Variants in ABCC6 observed in about 807,000 individuals in gnomAD.
The protein encoded by ABCC6 is ATP-binding cassette sub-family C member 6.
A neutral mutation model predicts 169.5 loss-of-function variants in ABCC6; 126 were observed. That is an observed-to-expected ratio of 0.74 (90% confidence interval 0.64 to 0.86). The LOEUF (loss-of-function observed/expected upper bound fraction) is 0.86. Ranked by LOEUF, ABCC6 falls within the 40% of genes least tolerant of loss-of-function variation. The pLI, the probability that ABCC6 is intolerant of heterozygous loss-of-function variation, is 0.00. For missense variants in ABCC6, 1,733 were observed against 1,927.2 expected, an observed-to-expected ratio of 0.90 and a Z score of 1.89; for synonymous variants, 752 against 814.7, an observed-to-expected ratio of 0.92 and a Z score of 1.31.
intron 23 of ABCC6, among the ~76,000 whole-genome samples, chr16:16,165,010 A>T (rs1316414267): frequency 6.6e-6 from 1 of 152,096 alleles, no homozygotes; most frequent in East Asian, 1.9e-4. Flanking sequence ...AGCTTCATAT[A>T]ATAGCCTTTG....
chr16:16,187,339 A>T, intron 13 of ABCC6, 128 bp from the exon 14 acceptor site: 1 of 781,302 alleles, frequency 1.3e-6, no homozygotes. Context: ...AGGCGTGAGG[A>T]CAAAGCTTTC....
At chr16:16,153,319 A>G (rs958716982) in intron 29 of ABCC6, among the ~76,000 whole-genome samples, 25 of 152,248 alleles carry the variant, frequency 1.6e-4, no homozygotes, top group Non-Finnish European at 3.4e-4. Flanking sequence ...ACGGATAAGC[A>G]AAATGTGGTC....
chr16:16,155,176 A>C (rs1021722178), intron 27 of ABCC6, 145 bp from the exon 28 acceptor site: 7 of 932,836 alleles, frequency 7.5e-6, no homozygotes, highest in African/African-American at 5.0e-5. Flanking sequence ...CCATCTGTCT[A>C]CCTTTCTATA....
intron 7 of ABCC6, 24 bp from the exon 8 acceptor site, chr16:16,203,637 T>G (rs764070547): frequency 6.2e-6 from 10 of 1,613,096 alleles, no homozygotes; most frequent in African/African-American, 1.3e-5. Context: ...AGAGATTAGC[T>G]CTGGGTCCCA....
intron 20 of ABCC6, 32 bp from the exon 21 acceptor site, chr16:16,173,436 G>T: frequency 6.2e-7 from 1 of 1,614,006 alleles, no homozygotes; most frequent in Non-Finnish European, 8.5e-7. Flanking sequence ...GACAAAGTCA[G>T]TATCTCTCCC....
chr16:16,185,618 T>C (rs2047631713), intron 14 of ABCC6, among the ~76,000 whole-genome samples: 1 of 152,054 alleles, frequency 6.6e-6, no homozygotes, highest in Non-Finnish European at 1.5e-5. Flanking sequence ...ACCCTGCCTC[T>C]ACCAAAAAAT....
intron 10 of ABCC6, among the ~76,000 whole-genome samples, chr16:16,195,085 C>T (rs1483738214): frequency 6.6e-6 from 1 of 152,094 alleles, no homozygotes; most frequent in Admixed American, 6.6e-5. Context: ...CACCAGCCCA[C>T]AGCAGGGCTT....
At chr16:16,157,574 A>G in intron 27 of ABCC6, 89 bp downstream of exon 27, 1 of 1,542,200 alleles carries the variant, frequency 6.5e-7, no homozygotes, top group Non-Finnish European at 8.9e-7. Flanking sequence ...GACACTGTGG[A>G]GGTGGCTGGT....
intron 24 of ABCC6, 117 bp from the exon 25 acceptor site, chr16:16,161,681 G>T: frequency 7.4e-7 from 1 of 1,355,616 alleles, no homozygotes; most frequent in Non-Finnish European, 1.0e-6. Flanking sequence ...CCCAGCAATG[G>T]CCTCCACATG....
chr16:16,174,414 C>G (rs538500704), intron 20 of ABCC6, among the ~76,000 whole-genome samples: 1 of 152,260 alleles, frequency 6.6e-6, no homozygotes, highest in South Asian at 2.1e-4. Flanking sequence ...CCTCTCTGGA[C>G]GTATTCTGGT....
At chr16:16,192,213 G>C (rs149584298) in intron 11 of ABCC6, among the ~76,000 whole-genome samples, 1 of 152,110 alleles carries the variant, frequency 6.6e-6, no homozygotes, top group African/African-American at 2.4e-5. Flanking sequence ...GTGTGAGATC[G>C]GGCAGGTTTG....
In ABCC6 at chr16:16,192,897, G is replaced by A. The variant is rs1307508961; in HGVS notation, c.1364C>T (p.Ala455Val). 2.5e-6 allele frequency: 4 copies of A among 1,614,036 alleles called. No homozygotes were observed. The African/African-American group carries it at 5.3e-5, about 22-fold the overall frequency. The change falls in exon 11 of 31, where the codon GCC becomes GTC. Residue 455 changes from alanine to valine, a missense_variant. Physicochemically the swap from Ala to Val is moderately conservative, Grantham distance 64 (BLOSUM62 0). Transcript: ENST00000205557. ...GAGGAGGCTCAGGAAGACAGCGATG[G>A]CAGTGAGGGCGGAGGGCCCCAGGAG... ...WQLLGPSALT[A>V]IAVFLSLLPL...
intron 4 of ABCC6, among the ~76,000 whole-genome samples, chr16:16,215,246 C>T (rs2048818411): frequency 6.6e-6 from 1 of 152,108 alleles, no homozygotes. Context: ...CTTCCTTTGA[C>T]TCAGGGGGAA....
At chr16:16,210,771 A>G (rs2048582201) in intron 6 of ABCC6, among the ~76,000 whole-genome samples, 1 of 152,128 alleles carries the variant, frequency 6.6e-6, no homozygotes, top group Admixed American at 6.6e-5. Context: ...AGTTCCACAC[A>G]TTCAAAGCCT....
At chr16:16,155,121 C>T (rs1162797628) in intron 27 of ABCC6, 90 bp from the exon 28 acceptor site, 1 of 1,435,628 alleles carries the variant, frequency 7.0e-7, no homozygotes, top group East Asian at 2.5e-5. Context: ...CGAGATCTGT[C>T]TATCCATCCC....
At chr16:16,202,841 A>G (rs1209445630) in intron 8 of ABCC6, among the ~76,000 whole-genome samples, 1 of 152,228 alleles carries the variant, frequency 6.6e-6, no homozygotes, top group South Asian at 2.1e-4. Flanking sequence ...TGGGCTGGCT[A>G]CAAAACCGGC....
At chr16:16,189,920 T>G (rs933036483) in intron 12 of ABCC6, among the ~76,000 whole-genome samples, 1 of 152,204 alleles carries the variant, frequency 6.6e-6, no homozygotes, top group South Asian at 2.1e-4. Context: ...CCCACATCGG[T>G]AGAAGCCTGG....
intron 6 of ABCC6, among the ~76,000 whole-genome samples, chr16:16,209,669 T>A (rs1237138979): frequency 6.6e-6 from 1 of 151,928 alleles, no homozygotes; most frequent in Non-Finnish European, 1.5e-5. Context: ...ACTGATGTGA[T>A]CTGGGCTCAC....
At chr16:16,191,552 T>A (rs183914748) in intron 11 of ABCC6, among the ~76,000 whole-genome samples, 1 of 151,002 alleles carries the variant, frequency 6.6e-6, no homozygotes, top group East Asian at 2.0e-4. Context: ...CTTCCCTCCA[T>A]CCCCCATCTC....
Sources: allele counts gnomAD v4.1 joint callset (sites outside exome capture counted in the v4.1 genomes callset), GRCh38; gene constraint gnomAD v4.1.1; transcripts MANE v1.5; gene names NCBI Gene and HGNC (gene_info 2026-07-23, HGNC 2026-07-21).